The following RBMS3 variants were observed in gnomAD, a reference collection of about 807,000 sequenced individuals.
RBMS3 encodes the protein RNA-binding motif, single-stranded-interacting protein 3.
In RBMS3, 27 loss-of-function variants were observed where a neutral mutation model predicts 66.8. The ratio of observed to expected loss-of-function variants is 0.40; its 90% CI spans 0.30 to 0.56. The LOEUF is 0.56. Among genes scored for constraint, RBMS3 ranks in the 20% least tolerant of loss-of-function variants. RBMS3 has a pLI of 0.40. For missense variants in RBMS3, 513 were observed against 549.5 expected (o/e 0.93, Z 0.66); for synonymous variants, 188 against 183.0 (o/e 1.03, Z -0.22).
intron 3 of RBMS3, among the ~76,000 whole-genome samples, chr3:29,581,136 A>G (rs2047315132): frequency 6.6e-6 from 1 of 152,160 alleles, no homozygotes; most frequent in South Asian, 2.1e-4. Flanking sequence ...AAGGTAGACC[A>G]TATGGCTATC....
At chr3:29,678,484 C>G (rs984665388) in intron 4 of RBMS3, among the ~76,000 whole-genome samples, 1 of 151,942 alleles carries the variant, frequency 6.6e-6, no homozygotes, top group African/African-American at 2.4e-5. Context: ...AATAACCAAC[C>G]AAGATTCTTT....
At chr3:29,846,341 G>C (rs1041649831) in intron 6 of RBMS3, among the ~76,000 whole-genome samples, 10 of 152,090 alleles carry the variant, frequency 6.6e-5, no homozygotes, top group African/African-American at 1.7e-4. Context: ...TTTGAATAAG[G>C]TAGGTAAGAG....
intron 6 of RBMS3, among the ~76,000 whole-genome samples, chr3:29,815,949 AG>A (rs142028469): frequency 0.022 from 3,264 of 151,072 alleles, 134 homozygotes; most frequent in African/African-American, 0.075. Flanking sequence ...AAAAATAAAA[AG>A]GAAAAAAAAA....
At chr3:29,285,778 G>A (rs964290098) in intron 1 of RBMS3, among the ~76,000 whole-genome samples, 4 of 152,138 alleles carry the variant, frequency 2.6e-5, no homozygotes, top group African/African-American at 9.7e-5. Context: ...AATTGATTGT[G>A]CCATAGAATG....
At position 29,640,276 on chromosome 3, in the gene RBMS3, ACACACACACC is replaced by A. The variant is rs1273176455; in HGVS notation, c.399+53081_399+53090del. On this transcript the variant is annotated intron_variant, in intron 4 of 14. Transcript: ENST00000383767. ...TGGTTACACACACACACACACACAC[ACACACACACC>A]CACACACACACGAAAGACGGAAAGA... is the stretch of plus-strand genomic sequence containing the variant. Among the ~76,000 whole-genome samples the A allele has an allele frequency of 1.2e-4, 18 of 150,678 alleles. No individual in the cohort carries two copies. The East Asian group carries it at 1.3e-3, about 11-fold the overall frequency.
At chr3:29,706,047 A>G (rs1409631164) in intron 4 of RBMS3, among the ~76,000 whole-genome samples, 2 of 152,174 alleles carry the variant, frequency 1.3e-5, no homozygotes, top group East Asian at 3.9e-4. Flanking sequence ...TGAGACACTG[A>G]AGCTCCAAGG....
At chr3:29,901,919 G>A (rs2060263387) in intron 10 of RBMS3, among the ~76,000 whole-genome samples, 1 of 151,902 alleles carries the variant, frequency 6.6e-6, no homozygotes, top group Middle Eastern at 3.4e-3. Context: ...TAATAATCTT[G>A]TTGGCTGTCC....
At chr3:29,560,701 A>G (rs1408944971) in intron 3 of RBMS3, among the ~76,000 whole-genome samples, 1 of 152,242 alleles carries the variant, frequency 6.6e-6, no homozygotes, top group East Asian at 1.9e-4. Flanking sequence ...GAAATTAAAG[A>G]TGGTCATTTT....
rs368567252 is a variant in RBMS3, at chr3:29,948,159, A to G, written c.1098+3905A>G. Among the ~76,000 whole-genome samples the G allele has an allele frequency of 8.6e-5, 13 of 151,814 alleles. No homozygotes were observed. In the East Asian group the frequency reaches 2.1e-3, roughly 25 times the overall value. On this transcript the variant is annotated intron_variant, in intron 12 of 14. Transcript: ENST00000383767. ...ACAGAAAAAGTTTGCATAAATCACA[A>G]TATACTGGTCCAATAAGAAATTTTT...
chr3:29,738,379 G>C (rs2054473080), intron 4 of RBMS3, among the ~76,000 whole-genome samples: 5 of 152,018 alleles, frequency 3.3e-5, no homozygotes, highest in Admixed American at 2.6e-4. Flanking sequence ...TTAAATATCT[G>C]GTACATTTTG....
At chr3:29,710,694 A>G (rs143498172) in intron 4 of RBMS3, among the ~76,000 whole-genome samples, 1 of 152,164 alleles carries the variant, frequency 6.6e-6, no homozygotes, top group East Asian at 1.9e-4. Flanking sequence ...CCCTTCATCC[A>G]GTTTAACTGT....
chr3:29,552,976 A>G (rs2046227191), intron 3 of RBMS3, among the ~76,000 whole-genome samples: 1 of 152,180 alleles, frequency 6.6e-6, no homozygotes, highest in South Asian at 2.1e-4. Flanking sequence ...AACCCTGGGT[A>G]GGTTAACTTA....
intron 6 of RBMS3, among the ~76,000 whole-genome samples, chr3:29,846,055 G>A (rs914509212): frequency 6.6e-6 from 1 of 151,418 alleles, no homozygotes; most frequent in Non-Finnish European, 1.5e-5. Flanking sequence ...TGACCTTTTT[G>A]TCTATGAAAA....
intron 12 of RBMS3, among the ~76,000 whole-genome samples, chr3:29,983,319 G>A (rs1249407637): frequency 1.3e-5 from 2 of 148,962 alleles, no homozygotes; most frequent in East Asian, 4.1e-4. Flanking sequence ...CTTTGCATGT[G>A]AGATGGGTCT....
At chr3:29,822,093 CT>C (rs2058089841) in intron 6 of RBMS3, among the ~76,000 whole-genome samples, 1 of 152,182 alleles carries the variant, frequency 6.6e-6, no homozygotes, top group Non-Finnish European at 1.5e-5. Flanking sequence ...TCCTAAAACA[CT>C]GAGCTAAAGC....
chr3:29,990,261 TAACCAAG>T (rs752366551), intron 13 of RBMS3, among the ~76,000 whole-genome samples: 1 of 151,764 alleles, frequency 6.6e-6, no homozygotes, highest in Non-Finnish European at 1.5e-5. Flanking sequence ...GCGACAGAAT[TAACCAAG>T]AACTTCTGAA....
At chr3:29,980,463 T>A (rs1440038436) in intron 12 of RBMS3, among the ~76,000 whole-genome samples, 1 of 152,222 alleles carries the variant, frequency 6.6e-6, no homozygotes, top group African/African-American at 2.4e-5. Context: ...AATTTTGGCT[T>A]TTGTTGCCAT....
rs147087860 is a variant in RBMS3, at chr3:29,582,194, A to G, written c.308-4920A>G. 5.0e-3 allele frequency among the ~76,000 whole-genome samples: 719 copies of G among 144,628 alleles called. 2 individuals carry two copies. Among genetic ancestry groups the G allele is most frequent in the Non-Finnish European group, 6.9e-3 (451 of 65,406 alleles). The allele number at this position is 144,628 out of a possible 152,430, so 94.9% of individuals were successfully genotyped here. On this transcript the variant is annotated intron_variant, in intron 3 of 14. Coordinates refer to ENST00000383767, the MANE Select transcript of RBMS3 (RefSeq NM_001003793.3). The stretch of plus-strand genomic sequence containing the variant: ...GATAGATAGATAGATAGATAGATAG[A>G]TACACACACACATACATACAGTTTT...
intron 4 of RBMS3, among the ~76,000 whole-genome samples, chr3:29,672,040 G>C (rs2051025495): frequency 6.6e-6 from 1 of 152,138 alleles, no homozygotes; most frequent in African/African-American, 2.4e-5. Context: ...CAGAGAGAAA[G>C]GTCAGGTTAC....
Sources: gnomAD v4.1 joint callset for allele counts (sites outside exome capture counted in the v4.1 genomes callset) on GRCh38, gnomAD v4.1.1 for gene constraint, MANE v1.5 for transcripts, NCBI Gene and HGNC (gene_info 2026-07-23, HGNC 2026-07-21) for gene names.